TNR: variants seen among roughly 807,000 people sequenced by gnomAD.
TNR encodes the protein tenascin R.
In TNR, 45 loss-of-function variants were observed where a neutral mutation model predicts 150.4. That is an observed-to-expected ratio of 0.30 (90% confidence interval 0.24 to 0.38). The LOEUF (loss-of-function observed/expected upper bound fraction) is 0.38. Among genes scored for constraint, TNR ranks in the 10% least tolerant of loss-of-function variants. TNR has a pLI of 1.00. For synonymous variants in TNR, 687 were observed against 678.4 expected, an observed-to-expected ratio of 1.01 and a Z score of -0.20; for missense variants, 1,544 against 1,759.1, an observed-to-expected ratio of 0.88 and a Z score of 2.19.
chr1:175,492,101 A>C (rs1045099436), intron 2 of TNR, among the ~76,000 whole-genome samples: 2 of 152,220 alleles, frequency 1.3e-5, no homozygotes, highest in African/African-American at 4.8e-5. Context: ...TATTTCCATA[A>C]ACAACTTTGC....
At chr1:175,741,282 T>C (rs904627672) in intron 1 of TNR, among the ~76,000 whole-genome samples, 3 of 152,252 alleles carry the variant, frequency 2.0e-5, no homozygotes, top group Non-Finnish European at 2.9e-5. Context: ...TTTAAGCGTC[T>C]GTGTCTCTCC....
At chr1:175,395,100 G>A (rs1446401350) in intron 5 of TNR, among the ~76,000 whole-genome samples, 2 of 152,010 alleles carry the variant, frequency 1.3e-5, no homozygotes, top group African/African-American at 4.8e-5. Context: ...ATAATTATAG[G>A]CATATTAACA....
chr1:175,675,686 A>C (rs1665842025), intron 1 of TNR, among the ~76,000 whole-genome samples: 1 of 152,084 alleles, frequency 6.6e-6, no homozygotes. Flanking sequence ...AGAAAAGTTT[A>C]TCTCTTCCTT....
intron 20 of TNR, among the ~76,000 whole-genome samples, chr1:175,333,766 T>A (rs1023338155): frequency 2.0e-5 from 3 of 151,450 alleles, no homozygotes; most frequent in African/African-American, 7.3e-5. Flanking sequence ...AAAGAAGGAG[T>A]GGCCACTTCT....
intron 1 of TNR, among the ~76,000 whole-genome samples, chr1:175,740,333 A>G (rs999904521): frequency 5.3e-5 from 8 of 152,220 alleles, no homozygotes; most frequent in Non-Finnish European, 1.0e-4. Context: ...GAACTTTTAT[A>G]CATCTTTTTT....
intron 1 of TNR, among the ~76,000 whole-genome samples, chr1:175,607,067 C>T (rs1663433265): frequency 6.6e-6 from 1 of 152,238 alleles, no homozygotes; most frequent in Non-Finnish European, 1.5e-5. Context: ...ACTGTGACAG[C>T]TTTCAAATCC....
chr1:175,580,947 T>C (rs1277633503), intron 1 of TNR, among the ~76,000 whole-genome samples: 1 of 151,856 alleles, frequency 6.6e-6, no homozygotes, highest in Admixed American at 6.6e-5. Flanking sequence ...GGGATGGGGG[T>C]CTCTGCTTTG....
At chr1:175,688,338 C>A (rs1299497454) in intron 1 of TNR, among the ~76,000 whole-genome samples, 2 of 152,192 alleles carry the variant, frequency 1.3e-5, no homozygotes, top group Admixed American at 6.5e-5. Flanking sequence ...TAAGAAGAGG[C>A]CGGGAAGAAA....
At chr1:175,742,128 C>T (rs574590577) in intron 1 of TNR, among the ~76,000 whole-genome samples, 3 of 152,108 alleles carry the variant, frequency 2.0e-5, no homozygotes, top group Non-Finnish European at 2.9e-5. Context: ...GTCTCCAAGA[C>T]AATACCAAAG....
chr1:175,563,518 C>T (rs986611945), intron 1 of TNR, among the ~76,000 whole-genome samples: 1 of 152,126 alleles, frequency 6.6e-6, no homozygotes, highest in African/African-American at 2.4e-5. Context: ...TGACACAAGC[C>T]CAATTTCTCC....
At chr1:175,467,413 T>A (rs1476959407) in intron 2 of TNR, among the ~76,000 whole-genome samples, 1 of 152,148 alleles carries the variant, frequency 6.6e-6, no homozygotes, top group South Asian at 2.1e-4. Context: ...AATGAAACAA[T>A]GAACTTGATA....
chr1:175,360,605 A>G (rs1375909075), intron 14 of TNR, among the ~76,000 whole-genome samples: 1 of 152,248 alleles, frequency 6.6e-6, no homozygotes, highest in Admixed American at 6.5e-5. Context: ...CATAAAATTT[A>G]CTTTTGAGAA....
In TNR at chr1:175,319,170, G is replaced by T. The variant is rs1357326363; in HGVS notation, c.*4187C>A. ...TGGCCCCACCTTTCCTGAAATTCTG[G>T]GTGGAGGTTACAAAAAAGAAAAAGA... On this transcript the variant is annotated 3_prime_UTR_variant, in exon 23 of 23. Transcript: ENST00000367674. 1 of 152,160 alleles carries T rather than the reference G, an allele frequency of 6.6e-6. No individual in the cohort carries two copies. The highest frequency in any genetic ancestry group is 1.5e-5 in the Non-Finnish European group (1 of 68,060). 9.4% of individuals were successfully genotyped at this position (152,160 alleles called of 1,614,324 possible).
At chr1:175,448,279 G>A (rs773132228) in intron 2 of TNR, among the ~76,000 whole-genome samples, 2 of 152,110 alleles carry the variant, frequency 1.3e-5, no homozygotes, top group Non-Finnish European at 1.5e-5. Context: ...GTGCAGTGGT[G>A]CAATCTTGGC....
rs368576057 is a variant in TNR, at chr1:175,365,922, T to C, written c.2270A>G (p.Glu757Gly). Residue 757 changes from glutamate (E) to glycine (G), a missense_variant, in exon 11 of 23, where the codon GAG becomes GGG. Physicochemically the swap from Glu to Gly is moderately conservative, Grantham distance 98. Transcript: ENST00000367674. ...CTCCAAGCTCTGCTGCCGACCCCTC[T>C]CAGCAGTGACGGAAATGATGTACTC... ...GAEYIISVTA[E>G]RGRQQSLEST... 5.5e-5 allele frequency: 88 copies of C among 1,613,940 alleles called. No individual in the cohort carries two copies. The highest frequency in any genetic ancestry group is 7.3e-5 in the Non-Finnish European group (86 of 1,179,966).
chr1:175,630,978 C>T (rs1664306596), intron 1 of TNR, among the ~76,000 whole-genome samples: 1 of 152,196 alleles, frequency 6.6e-6, no homozygotes, highest in Non-Finnish European at 1.5e-5. Flanking sequence ...TTAATTTCGG[C>T]TTTATCTGAT....
intron 1 of TNR, among the ~76,000 whole-genome samples, chr1:175,583,859 T>A (rs1662464045): frequency 6.6e-6 from 1 of 152,130 alleles, no homozygotes; most frequent in Non-Finnish European, 1.5e-5. Flanking sequence ...CAGACAAATA[T>A]GTGCTGTAGA....
At chr1:175,369,001 A>G (rs1004022504) in intron 9 of TNR, among the ~76,000 whole-genome samples, 1 of 152,042 alleles carries the variant, frequency 6.6e-6, no homozygotes, top group Non-Finnish European at 1.5e-5. Flanking sequence ...AAAAAACCCA[A>G]CAAAATCAAG....
At chr1:175,595,982 G>T (rs58548659) in intron 1 of TNR, among the ~76,000 whole-genome samples, 35 of 152,150 alleles carry the variant, frequency 2.3e-4, no homozygotes, top group African/African-American at 7.9e-4. Flanking sequence ...AATGGAGGAG[G>T]GGCTATCAGA....
Sources: gnomAD v4.1 joint callset for allele counts (sites outside exome capture counted in the v4.1 genomes callset) on GRCh38, gnomAD v4.1.1 for gene constraint, MANE v1.5 for transcripts, NCBI Gene and HGNC (gene_info 2026-07-23, HGNC 2026-07-21) for gene names.